Variants in EML5 observed in about 807,000 individuals in gnomAD.
EML5 encodes the protein echinoderm microtubule-associated protein-like 5.
EML5 carries 120 observed loss-of-function variants against 250.0 expected under a neutral mutation model. The observed-to-expected ratio is 0.48, with a 90% CI of 0.41 to 0.56. The LOEUF is 0.56. Among genes scored for constraint, EML5 ranks in the 20% least tolerant of loss-of-function variants. EML5 has a pLI of 0.00. For missense variants in EML5, 2,006 were observed against 2,437.6 expected, an observed-to-expected ratio of 0.82 and a Z score of 3.73; for synonymous variants, 771 against 806.5, an observed-to-expected ratio of 0.96 and a Z score of 0.75.
intron 1 of EML5, among the ~76,000 whole-genome samples, chr14:88,757,222 G>A (rs1256874320): frequency 6.6e-6 from 1 of 151,844 alleles, no homozygotes; most frequent in African/African-American, 2.4e-5. Flanking sequence ...ATTCAATGGG[G>A]GATAAAATGG....
intron 1 of EML5, among the ~76,000 whole-genome samples, chr14:88,758,463 G>C (rs1176146099): frequency 6.6e-6 from 1 of 151,636 alleles, no homozygotes; most frequent in Non-Finnish European, 1.5e-5. Flanking sequence ...CCAAAATGCT[G>C]GGATTACAGG....
chr14:88,631,540 G>A (rs1449074600), intron 33 of EML5, among the ~76,000 whole-genome samples: 2 of 152,168 alleles, frequency 1.3e-5, no homozygotes, highest in Non-Finnish European at 2.9e-5. Context: ...AAGCTGAGGC[G>A]GGTGGATAAC....
In EML5 at chr14:88,740,240, T is replaced by C. The variant is rs528234633; in HGVS notation, c.711+147A>G. 5.4e-6 allele frequency: 3 copies of C among 552,590 alleles called. No homozygotes were observed. In the East Asian group the frequency reaches 8.8e-5, roughly 16 times the overall value. The allele number at this position is 552,590 out of a possible 1,614,324, so 34.2% of individuals were successfully genotyped here. A position where few individuals can be genotyped will look rare whatever the true frequency, so the allele number is the denominator to read the frequency against. On this transcript the variant is annotated intron_variant, in intron 5 of 43. Coordinates refer to ENST00000554922, the MANE Select transcript of EML5 (RefSeq NM_183387.3). Reference sequence around the variant, plus strand: ...TCTAATTGATTTCTTCATTGAAATCTTGAAAACAAATAGATAATTCAGTTA... The same window carrying C: ...TCTAATTGATTTCTTCATTGAAATCCTGAAAACAAATAGATAATTCAGTTA...
chr14:88,620,584 CAAG>C lies in EML5; in HGVS notation c.5375+167_5375+169del. On this transcript the variant is annotated intron_variant, in intron 39 of 43. Transcript: ENST00000554922. This position sits in a 1 kb window ranked among gnomAD's most constrained non-coding sequence, Gnocchi z 4.3. ...GGTGCCCAGTGGGTTTATAATTTAGCAAGAAGAATTAAGTAGTATACAAACAGC... is the reference window on the plus strand; with the variant it reads ...GGTGCCCAGTGGGTTTATAATTTAGCAAGAATTAAGTAGTATACAAACAGC... 1.9e-6 allele frequency: 1 copy of C among 514,328 alleles called. No individual in the cohort carries two copies. The highest frequency in any genetic ancestry group is 3.9e-5 in the Admixed American group (1 of 25,334). The allele number at this position is 514,328 out of a possible 1,614,324, so 31.9% of individuals were successfully genotyped here.
chr14:88,651,270 G>A (rs557136897), intron 27 of EML5, among the ~76,000 whole-genome samples: 1 of 149,914 alleles, frequency 6.7e-6, no homozygotes, highest in Non-Finnish European at 1.5e-5. Context: ...TATTTAGCAG[G>A]GTTGAAATTG....
intron 33 of EML5, among the ~76,000 whole-genome samples, chr14:88,633,972 T>A (rs1165187106): frequency 6.6e-6 from 1 of 152,144 alleles, no homozygotes; most frequent in Non-Finnish European, 1.5e-5. Context: ...AATAATGTAT[T>A]CTTCATTAAA....
rs112141843 is a variant in EML5 at position 88,631,011 on chromosome 14, G to C, written c.4358-3192C>G. Among the ~76,000 whole-genome samples the C allele has an allele frequency of 2.2e-3, 338 of 152,258 alleles. 2 individuals are homozygous for C. Among genetic ancestry groups the C allele is most frequent in the African/African-American group, 7.5e-3 (310 of 41,550 alleles). ...TCCTTATCCTCTGCTGTAAAATGCA[G>C]ACACCCACTGAAGTTATTTGATGGG... On this transcript the variant is annotated intron_variant, in intron 33 of 43. Transcript: ENST00000554922.
intron 7 of EML5, among the ~76,000 whole-genome samples, chr14:88,733,646 A>G (rs2093794534): frequency 6.6e-6 from 1 of 152,194 alleles, no homozygotes; most frequent in Non-Finnish European, 1.5e-5. Flanking sequence ...CAGTAAGTTT[A>G]CAGACATATG....
intron 21 of EML5, among the ~76,000 whole-genome samples, chr14:88,672,189 A>T (rs949875063): frequency 6.6e-6 from 1 of 151,926 alleles, no homozygotes; most frequent in South Asian, 2.1e-4. Flanking sequence ...AACTGAAATC[A>T]TAACAGTCTC....
chr14:88,784,119 A>G (rs973590129), intron 1 of EML5, among the ~76,000 whole-genome samples: 1 of 152,240 alleles, frequency 6.6e-6, no homozygotes, highest in Non-Finnish European at 1.5e-5. Context: ...TGGAAACAAC[A>G]TAACAAAACC....
intron 7 of EML5, among the ~76,000 whole-genome samples, chr14:88,728,211 T>G (rs867607207): frequency 6.6e-6 from 1 of 151,606 alleles, no homozygotes. Context: ...TTTTTTTTTT[T>G]GTCATTATTC....
intron 8 of EML5, among the ~76,000 whole-genome samples, chr14:88,725,634 A>C (rs1200362180): frequency 6.6e-6 from 1 of 152,198 alleles, no homozygotes; most frequent in Non-Finnish European, 1.5e-5. Flanking sequence ...AGCCTTTATC[A>C]TACTTTAGAA....
chr14:88,616,086 TA>T, intron 43 of EML5, 55 bp downstream of exon 43: 7 of 1,565,114 alleles, frequency 4.5e-6, no homozygotes, highest in Non-Finnish European at 6.2e-6. Flanking sequence ...GTTGTTGTAT[TA>T]AGTCTCTTAA....
intron 1 of EML5, among the ~76,000 whole-genome samples, chr14:88,764,514 G>C (rs1012897206): frequency 2.0e-5 from 3 of 152,118 alleles, no homozygotes; most frequent in African/African-American, 7.2e-5. Context: ...AGCCTAGCTA[G>C]AAGTTTATCA....
chr14:88,729,339 T>G (rs1452365010), intron 7 of EML5, among the ~76,000 whole-genome samples: 2 of 152,222 alleles, frequency 1.3e-5, no homozygotes, highest in Non-Finnish European at 2.9e-5. Context: ...GGTGACATTC[T>G]ATGCTCTTAC....
intron 17 of EML5, among the ~76,000 whole-genome samples, chr14:88,691,343 A>G (rs1287808996): frequency 6.6e-6 from 1 of 152,222 alleles, no homozygotes; most frequent in Non-Finnish European, 1.5e-5. Flanking sequence ...CTCTTGTTCT[A>G]TAATTACCTA....
At position 88,740,392 on chromosome 14, in the gene EML5, G is replaced by A; in HGVS notation, c.706C>T (p.His236Tyr). 1 of 1,606,094 alleles carries A rather than the reference G, an allele frequency of 6.2e-7. No individual in the cohort carries two copies. Among genetic ancestry groups the A allele is most frequent in the Non-Finnish European group, 8.5e-7 (1 of 1,176,588 alleles). Residue 236 changes from histidine to tyrosine, a missense_variant, in exon 5 of 44, where the codon CAT becomes TAT. By Grantham distance (83) the His-to-Tyr change is moderately conservative (BLOSUM62 2). Transcript: ENST00000554922. ...INLIRTIQGAHAAGIFSMNAC... is the reference protein window; with the variant it reads ...INLIRTIQGAYAAGIFSMNAC... ...AAATACTTAAATGTACTTACAGCAT[G>A]GGCTCCTTGTATTGTTCGTATAAGA...
intron 1 of EML5, among the ~76,000 whole-genome samples, chr14:88,761,705 T>C (rs2094246453): frequency 6.6e-6 from 1 of 152,232 alleles, no homozygotes; most frequent in Admixed American, 6.5e-5. Context: ...CCTTTGGGTA[T>C]ATACCCAGTA....
intron 25 of EML5, among the ~76,000 whole-genome samples, chr14:88,659,455 A>G (rs892374139): frequency 2.6e-5 from 4 of 152,084 alleles, no homozygotes; most frequent in African/African-American, 9.7e-5. Flanking sequence ...CAGGTGATCC[A>G]CCTGCCTCGG....
Sources: gnomAD v4.1 joint callset for allele counts (sites outside exome capture counted in the v4.1 genomes callset) on GRCh38, gnomAD v4.1.1 for gene constraint, Gnocchi (gnomAD v3.1) non-coding constraint, MANE v1.5 for transcripts, NCBI Gene and HGNC (gene_info 2026-07-23, HGNC 2026-07-21) for gene names.